Variants in TBCEL observed in about 807,000 individuals in gnomAD.
The protein encoded by TBCEL is tubulin-specific chaperone cofactor E-like protein.
TBCEL carries 15 observed loss-of-function variants against 44.2 expected under a neutral mutation model. The observed-to-expected ratio is 0.34, with a 90% CI of 0.23 to 0.52. The LOEUF (loss-of-function observed/expected upper bound fraction) is 0.52, where lower values mean the gene tolerates loss of function less well. Ranked by LOEUF, TBCEL falls within the 20% of genes least tolerant of loss-of-function variation. TBCEL has a pLI of 0.95. For synonymous variants in TBCEL, 171 were observed against 185.4 expected (o/e 0.92, Z 0.63); for missense variants, 319 against 506.3 (o/e 0.63, Z 3.55).
At position 121,038,406 on chromosome 11, in the gene TBCEL, A is replaced by T. The variant is rs186097349; in HGVS notation, c.-18+1794A>T. ...CCAGAATAAATCAGTCTTTTTGGGG[A>T]TACTCTTAGGCTGCAGATCAGAAAG... On this transcript the variant is annotated intron_variant, in intron 2 of 8. Transcript: ENST00000683345. Among the ~76,000 whole-genome samples, 798 of 152,186 alleles carry T rather than the reference A, an allele frequency of 5.2e-3. 3 individuals carry two copies. Among genetic ancestry groups the T allele is most frequent in the Non-Finnish European group, 6.4e-3 (435 of 68,008 alleles).
At chr11:121,034,305 A>G (rs903957453) in intron 1 of TBCEL, among the ~76,000 whole-genome samples, 13 of 152,176 alleles carry the variant, frequency 8.5e-5, no homozygotes, top group Admixed American at 2.0e-4. Flanking sequence ...ATGTGTTGTA[A>G]GGTACAGTAG....
rs900399641 is a variant in TBCEL at position 121,089,393 on chromosome 11, T to G, written c.*2297T>G. ...GTTGCATGTAAAGGGAGCTTCTCAT[T>G]TAATTCAGCGGATGTGGGTATTTTT... On this transcript the variant is annotated 3_prime_UTR_variant, in exon 9 of 9. Coordinates refer to ENST00000683345, the MANE Select transcript of TBCEL (RefSeq NM_001363644.2). 3 of 152,204 alleles carry G rather than the reference T, an allele frequency of 2.0e-5. No homozygotes were observed. The highest frequency in any genetic ancestry group is 6.5e-5 in the Admixed American group (1 of 15,272). 9.4% of individuals were successfully genotyped at this position (152,204 alleles called of 1,614,324 possible). A position where few individuals can be genotyped will look rare whatever the true frequency, so the allele number is the denominator to read the frequency against.
At chr11:121,073,354 C>A (rs956374536) in intron 8 of TBCEL, among the ~76,000 whole-genome samples, 1 of 151,658 alleles carries the variant, frequency 6.6e-6, no homozygotes, top group East Asian at 1.9e-4. Context: ...CTTGCAAAGG[C>A]CTTTGCATTT....
chr11:121,059,965 A>G lies in TBCEL; in HGVS notation c.840-4A>G, dbSNP rs1432038362. On this transcript the variant is annotated splice_polypyrimidine_tract_variant and splice_region_variant and intron_variant, in intron 7 of 8. Coordinates refer to ENST00000683345, the MANE Select transcript of TBCEL (RefSeq NM_001363644.2). ...AATGTCTTTATTTTGGTTTTAACTT[A>G]TAGATTGCCATCAGTTTCCAAACTT... 8.1e-6 allele frequency: 13 copies of G among 1,602,050 alleles called. 1 individual carries two copies. The Admixed American group carries it at 8.4e-5, about 10-fold the overall frequency.
chr11:121,055,457 T>C (rs2134949566), intron 6 of TBCEL, 149 bp downstream of exon 6: 1 of 744,068 alleles, frequency 1.3e-6, no homozygotes, highest in South Asian at 3.6e-5. Flanking sequence ...ATTGGCTAAA[T>C]TTAAGAGATT....
At chr11:121,082,232 G>T (rs1375205362) in intron 8 of TBCEL, among the ~76,000 whole-genome samples, 1 of 152,230 alleles carries the variant, frequency 6.6e-6, no homozygotes, top group Non-Finnish European at 1.5e-5. Flanking sequence ...TCTGCTTAGG[G>T]TCTCACAAGG....
intron 8 of TBCEL, among the ~76,000 whole-genome samples, chr11:121,083,955 G>T (rs915684888): frequency 6.6e-6 from 1 of 152,102 alleles, no homozygotes; most frequent in African/African-American, 2.4e-5. Context: ...CCAATATCAG[G>T]GTGCCAGCAT....
intron 1 of TBCEL, among the ~76,000 whole-genome samples, chr11:121,031,896 G>A (rs898322924): frequency 1.3e-5 from 2 of 151,874 alleles, no homozygotes; most frequent in Admixed American, 6.6e-5. Context: ...GGGCTCAAGC[G>A]ATCCTTCTGC....
At chr11:121,058,262 A>C (rs1392895705) in intron 6 of TBCEL, 83 bp from the exon 7 acceptor site, 1 of 1,447,150 alleles carries the variant, frequency 6.9e-7, no homozygotes, top group Non-Finnish European at 9.5e-7. Context: ...AGAAGTTACT[A>C]ATTGAGCTAA....
At chr11:121,049,465 C>T (rs1945490389) in intron 4 of TBCEL, among the ~76,000 whole-genome samples, 1 of 151,492 alleles carries the variant, frequency 6.6e-6, no homozygotes, top group South Asian at 2.1e-4. Flanking sequence ...GGATTTTAAC[C>T]AAAATTCTTT....
chr11:121,029,750 C>T (rs752486619), intron 1 of TBCEL, among the ~76,000 whole-genome samples: 45 of 150,598 alleles, frequency 3.0e-4, no homozygotes, highest in Non-Finnish European at 5.0e-4. Context: ...TGGAATAATG[C>T]GTTTCCGGTG....
chr11:121,078,301 C>T (rs911928441), intron 8 of TBCEL, among the ~76,000 whole-genome samples: 4 of 152,054 alleles, frequency 2.6e-5, no homozygotes, highest in Non-Finnish European at 5.9e-5. Flanking sequence ...GTGTACATAT[C>T]TGTTTTTAGA....
chr11:121,040,128 G>A (rs868312415), intron 2 of TBCEL, among the ~76,000 whole-genome samples: 1 of 152,090 alleles, frequency 6.6e-6, no homozygotes, highest in African/African-American at 2.4e-5. Context: ...CTTGAAACCT[G>A]CAGAAATGGC....
intron 2 of TBCEL, among the ~76,000 whole-genome samples, chr11:121,041,894 T>C (rs1162858936): frequency 6.7e-6 from 1 of 149,798 alleles, no homozygotes; most frequent in African/African-American, 2.5e-5. Flanking sequence ...TGAAGGTACT[T>C]GGTGTTGCTT....
chr11:121,045,100 G>A (rs1414274162), intron 2 of TBCEL, among the ~76,000 whole-genome samples: 1 of 152,046 alleles, frequency 6.6e-6, no homozygotes, highest in Non-Finnish European at 1.5e-5. Flanking sequence ...AAACAAAGGA[G>A]GGCAAGTGGC....
chr11:121,080,523 C>T (rs577723184), intron 8 of TBCEL, among the ~76,000 whole-genome samples: 20 of 152,290 alleles, frequency 1.3e-4, no homozygotes, highest in Admixed American at 7.8e-4. Context: ...TGAATGCCTT[C>T]GCCATTGGAA....
At chr11:121,035,469 G>A (rs926461336) in intron 1 of TBCEL, 2 of 150,264 alleles carry the variant, frequency 1.3e-5, no homozygotes, top group East Asian at 1.9e-4. Flanking sequence ...AAAAACAAAC[G>A]TGGATTTTTT....
rs1031648637 is a variant in TBCEL at position 121,090,704 on chromosome 11, G to T, written c.*3608G>T. The T allele has an allele frequency of 1.3e-5, 2 of 149,510 alleles. No individual in the cohort carries two copies. Among genetic ancestry groups the T allele is most frequent in the African/African-American group, 2.4e-5 (1 of 40,824 alleles). 9.3% of individuals were successfully genotyped at this position (149,510 alleles called of 1,614,324 possible). On this transcript the variant is annotated 3_prime_UTR_variant, in exon 9 of 9. Transcript: ENST00000683345. The stretch of plus-strand genomic sequence containing the variant: ...TTTAGAATATAATTTAAACATGAAG[G>T]TCTATTCTTTGCACTTTTTATTAAT...
At chr11:121,083,964 A>T (rs1448630877) in intron 8 of TBCEL, among the ~76,000 whole-genome samples, 2 of 152,256 alleles carry the variant, frequency 1.3e-5, no homozygotes, top group African/African-American at 4.8e-5. Context: ...GGGTGCCAGC[A>T]TCTGGCTGTG....
Sources: gnomAD v4.1 joint callset for allele counts (sites outside exome capture counted in the v4.1 genomes callset) on GRCh38, gnomAD v4.1.1 for gene constraint, MANE v1.5 for transcripts, NCBI Gene and HGNC (gene_info 2026-07-23, HGNC 2026-07-21) for gene names.